Variants in RMDN2 observed in about 807,000 individuals in gnomAD.
RMDN2 encodes the protein regulator of microtubule dynamics protein 2.
RMDN2 carries 61 observed loss-of-function variants against 52.8 expected under a neutral mutation model. That is an observed-to-expected ratio of 1.16 (90% CI 0.94 to 1.43). The LOEUF is 1.43. RMDN2 is among the 40% of genes most tolerant of loss of function. The pLI, the probability that RMDN2 is intolerant of heterozygous loss-of-function variation, is 0.00. For missense variants in RMDN2, 592 were observed against 475.3 expected, an observed-to-expected ratio of 1.25 and a Z score of -2.28; for synonymous variants, 180 against 153.1, an observed-to-expected ratio of 1.18 and a Z score of -1.30.
intron 7 of RMDN2, among the ~76,000 whole-genome samples, chr2:37,992,984 G>A (rs1272913622): frequency 2.0e-5 from 3 of 151,852 alleles, no homozygotes; most frequent in East Asian, 1.9e-4. Flanking sequence ...GCATGATCTC[G>A]GCTCACTGCA....
chr2:38,048,632 G>A (rs1182512594), intron 10 of RMDN2, among the ~76,000 whole-genome samples: 1 of 152,208 alleles, frequency 6.6e-6, no homozygotes, highest in Non-Finnish European at 1.5e-5. Flanking sequence ...CTCAGAGTTG[G>A]AGTCAACACA....
rs1009627043 is a variant in RMDN2 at position 37,972,665 on chromosome 2, A to G, written c.453-1375A>G. 5.3e-5 allele frequency among the ~76,000 whole-genome samples: 8 copies of G among 152,336 alleles called. No individual in the cohort carries two copies. In the South Asian group the frequency reaches 1.7e-3, roughly 32 times the overall value. Reference sequence around the variant, plus strand: ...AAGGACTAAAGCAAAGAGGTGTGATAAGGGGTCATTGCAGTAATCCAGATG... The same window carrying G: ...AAGGACTAAAGCAAAGAGGTGTGATGAGGGGTCATTGCAGTAATCCAGATG... On this transcript the variant is annotated intron_variant, in intron 2 of 10. Transcript: ENST00000354545.
intron 6 of RMDN2, among the ~76,000 whole-genome samples, chr2:37,990,744 C>T (rs142256339): frequency 2.0e-5 from 3 of 152,162 alleles, no homozygotes; most frequent in Non-Finnish European, 2.9e-5. Flanking sequence ...AACCCCTCAA[C>T]GTCAATAATT....
chr2:37,981,286 A>G lies in RMDN2; in HGVS notation c.734A>G (p.Lys245Arg). 1.3e-6 allele frequency: 2 copies of G among 1,589,672 alleles called. No individual in the cohort carries two copies. Among genetic ancestry groups the G allele is most frequent in the Non-Finnish European group, 1.7e-6 (2 of 1,157,848 alleles). ...TGTAAGTACTTTTATCTTTCAGGAA[A>G]AACTTTAAGTGAAAGAGCTATTAAT... ...QEKKHYANIGKTLSERAINRA... is the reference protein window; with the variant it reads ...QEKKHYANIGRTLSERAINRA... Residue 245 changes from lysine (K) to arginine (R), a missense_variant, in exon 5 of 11, where the codon AAA becomes AGA. Transcript: ENST00000354545.
At position 37,989,371 on chromosome 2, in the gene RMDN2, C is replaced by T. The variant is rs115813288; in HGVS notation, c.792-170C>T. Among the ~76,000 whole-genome samples, 1,453 of 152,108 alleles carry T rather than the reference C, an allele frequency of 9.6e-3. 26 individuals are homozygous for T. Among genetic ancestry groups the T allele is most frequent in the African/African-American group, 0.033 (1,372 of 41,460 alleles). On this transcript the variant is annotated intron_variant, in intron 5 of 10. Coordinates refer to ENST00000354545, the MANE Select transcript of RMDN2 (RefSeq NM_001170791.3). ...CCCAGTTATAGATGAGAAAACTGGC[C>T]TCATGTTAATGTCAAGTATTTATTA...
chr2:37,928,681 G>T (rs940116217), intron 1 of RMDN2: 2 of 152,124 alleles, frequency 1.3e-5, no homozygotes, highest in African/African-American at 4.8e-5. Flanking sequence ...CCCATCAAAG[G>T]TCAACTCCTG....
At chr2:37,977,704 G>A (rs553834443) in intron 4 of RMDN2, among the ~76,000 whole-genome samples, 48 of 150,976 alleles carry the variant, frequency 3.2e-4, no homozygotes, top group Non-Finnish European at 4.6e-4. Context: ...GGGTAGAGGC[G>A]CTCTTCACAT....
chr2:37,950,345 G>A lies in RMDN2; in HGVS notation c.452+20616G>A, dbSNP rs557155592. 21 of 1,087,602 alleles carry A rather than the reference G, an allele frequency of 1.9e-5. No homozygotes were observed. The African/African-American group carries it at 3.3e-4, about 17-fold the overall frequency. The allele number at this position is 1,087,602 out of a possible 1,614,324, so 67.4% of individuals were successfully genotyped here. On this transcript the variant is annotated intron_variant, in intron 2 of 10. Coordinates refer to ENST00000354545, the MANE Select transcript of RMDN2 (RefSeq NM_001170791.3). ...AGTGAAGGTAGAAACACATTCCACA[G>A]CCATGTGAATTCCAACTTCGGAGAA...
At chr2:38,013,373 C>T (rs555049246) in intron 10 of RMDN2, among the ~76,000 whole-genome samples, 3 of 152,308 alleles carry the variant, frequency 2.0e-5, no homozygotes, top group South Asian at 2.1e-4. Context: ...TTTGAAATGG[C>T]ATTAGTCACC....
At chr2:38,020,545 G>A (rs887343434), downstream of RMDN2, among the ~76,000 whole-genome samples, 4 of 152,242 alleles carry the variant, frequency 2.6e-5, no homozygotes, top group Non-Finnish European at 4.4e-5. Context: ...GGCTGTGCCC[G>A]GCGCTTGCGG....
intron 2 of RMDN2, among the ~76,000 whole-genome samples, chr2:37,969,589 T>C (rs1319824003): frequency 1.3e-5 from 2 of 151,904 alleles, no homozygotes; most frequent in East Asian, 3.8e-4. Flanking sequence ...TATATGTAAA[T>C]TTTGTTAGGT....
chr2:37,964,732 A>G (rs13023086), intron 2 of RMDN2, among the ~76,000 whole-genome samples: 64,416 of 151,966 alleles, frequency 0.42, 15,144 homozygotes, highest in East Asian at 0.78. Flanking sequence ...TAAGTCCTCT[A>G]TTTCCTTACT....
intron 10 of RMDN2, among the ~76,000 whole-genome samples, chr2:38,009,643 C>A (rs1332341442): frequency 6.6e-6 from 1 of 152,074 alleles, no homozygotes; most frequent in Non-Finnish European, 1.5e-5. Context: ...AACTTCTTTG[C>A]CATGGTTTCG....
chr2:37,975,209 C>T lies in RMDN2; in HGVS notation c.628-3C>T. 1 of 1,564,950 alleles carries T rather than the reference C, an allele frequency of 6.4e-7. No individual in the cohort carries two copies. The highest frequency in any genetic ancestry group is 8.8e-7 in the Non-Finnish European group (1 of 1,136,162). ...AACAGGCAACTCCATCTTTTCTTTT[C>T]AGTTTAGAGATGAAATAGAGTTTAT... is the stretch of plus-strand genomic sequence containing the variant. On this transcript the variant is annotated splice_region_variant and splice_polypyrimidine_tract_variant and intron_variant, in intron 3 of 10. Transcript: ENST00000354545.
chr2:38,004,074 T>C, intron 9 of RMDN2, 30 bp downstream of exon 9: 1 of 1,608,264 alleles, frequency 6.2e-7, no homozygotes, highest in South Asian at 1.1e-5. Flanking sequence ...TGCTTTAAGA[T>C]CACTTTGAAC....
At chr2:37,947,944 C>G (rs944646022) in intron 2 of RMDN2, among the ~76,000 whole-genome samples, 1 of 152,118 alleles carries the variant, frequency 6.6e-6, no homozygotes, top group Non-Finnish European at 1.5e-5. Flanking sequence ...CATCTAGGTA[C>G]CAGGAGGGGG....
downstream of RMDN2, among the ~76,000 whole-genome samples, chr2:38,020,396 G>A (rs1679256708): frequency 6.6e-6 from 1 of 152,120 alleles, no homozygotes; most frequent in South Asian, 2.1e-4. Context: ...CCTCTGCCTG[G>A]GCTCCCACTT....
At chr2:37,951,805 C>T (rs773267565) in intron 2 of RMDN2, 18 of 1,613,606 alleles carry the variant, frequency 1.1e-5, no homozygotes, top group East Asian at 4.5e-5. Context: ...ACTACTTCTC[C>T]AGCCTTTGGG....
intron 10 of RMDN2, chr2:38,027,473 T>C (rs1475062102): frequency 6.6e-6 from 1 of 152,242 alleles, no homozygotes; most frequent in Non-Finnish European, 1.5e-5. Flanking sequence ...TCCAGTCCTA[T>C]AAACCATTAT....
Sources: gnomAD v4.1 joint callset for allele counts (sites outside exome capture counted in the v4.1 genomes callset) on GRCh38, gnomAD v4.1.1 for gene constraint, MANE v1.5 for transcripts, NCBI Gene and HGNC (gene_info 2026-07-23, HGNC 2026-07-21) for gene names.